The following SOCS6 variants were observed in gnomAD, a reference collection of about 807,000 sequenced individuals.
SOCS6 encodes suppressor of cytokine signaling 6, also known as STAT induced STAT inhibitor-4.
SOCS6 carries 5 observed loss-of-function variants against 27.7 expected under a neutral mutation model. The ratio of observed to expected loss-of-function variants is 0.18; its 90% CI spans 0.09 to 0.38. SOCS6 has a LOEUF of 0.38. Among genes scored for constraint, SOCS6 ranks in the 10% least tolerant of loss-of-function variants. The probability of loss-of-function intolerance (pLI) is 1.00; values close to 1 mark genes in which losing one functional copy is unlikely to be tolerated. For synonymous variants in SOCS6, 271 were observed against 260.0 expected (o/e 1.04, Z -0.41); for missense variants, 595 against 688.1 (o/e 0.86, Z 1.51).
intron 1 of SOCS6, among the ~76,000 whole-genome samples, chr18:70,293,422 T>C (rs1019649244): frequency 2.6e-5 from 4 of 152,136 alleles, no homozygotes; most frequent in Non-Finnish European, 5.9e-5. Flanking sequence ...TGACTGGCAG[T>C]GTAGACGCCC....
intron 1 of SOCS6, among the ~76,000 whole-genome samples, chr18:70,314,407 G>A (rs1427552302): frequency 1.3e-5 from 2 of 152,066 alleles, no homozygotes; most frequent in African/African-American, 4.8e-5. Context: ...AGTGTGTAAT[G>A]TGGTCCTATA....
chr18:70,310,676 A>C, intron 1 of SOCS6, among the ~76,000 whole-genome samples: 1 of 152,008 alleles, frequency 6.6e-6, no homozygotes, highest in East Asian at 1.9e-4. Context: ...CCATTTTCAC[A>C]TGAGGAGACT....
chr18:70,289,341 C>T (rs1280680747), intron 1 of SOCS6, among the ~76,000 whole-genome samples: 3 of 148,346 alleles, frequency 2.0e-5, no homozygotes, highest in Admixed American at 6.7e-5. Flanking sequence ...GGGCCAGTCC[C>T]GGGAGCGGGG....
rs150794369 is a variant in SOCS6, at chr18:70,297,273, C to T, written c.-127+8183C>T. On this transcript the variant is annotated intron_variant, in intron 1 of 1. Transcript: ENST00000397942. ...AACACTGTTGTCATCTGCCGTAATT[C>T]GCTTTGTGATTTTCTTCGTTCCTGT... 6.5e-3 allele frequency among the ~76,000 whole-genome samples: 989 copies of T among 152,066 alleles called. 3 individuals carry two copies. Among genetic ancestry groups the T allele is most frequent in the Non-Finnish European group, 0.01 (687 of 67,990 alleles).
At chr18:70,291,715 G>T (rs948053847) in intron 1 of SOCS6, among the ~76,000 whole-genome samples, 1 of 152,044 alleles carries the variant, frequency 6.6e-6, no homozygotes, top group Admixed American at 6.6e-5. Context: ...CTCAATTATT[G>T]TTATTCTCTT....
intron 1 of SOCS6, among the ~76,000 whole-genome samples, chr18:70,314,777 T>C (rs1213327660): frequency 2.0e-5 from 3 of 152,212 alleles, no homozygotes; most frequent in Non-Finnish European, 4.4e-5. Flanking sequence ...CATTGGCTAA[T>C]ATGTTGGGAA....
chr18:70,312,385 GAGTATATATCCAA>G (rs1555789952), intron 1 of SOCS6, among the ~76,000 whole-genome samples: 1 of 151,970 alleles, frequency 6.6e-6, no homozygotes, highest in Non-Finnish European at 1.5e-5. Flanking sequence ...TTTTTGGCAT[GAGTATATATCCAA>G]AGAACAAATC....
Position 70,324,588 on chromosome 18 carries a change from CA to C in SOCS6, c.-80del. 1 of 921,284 alleles carries C rather than the reference CA, an allele frequency of 1.1e-6. No individual in the cohort carries two copies. Among genetic ancestry groups the C allele is most frequent in the Non-Finnish European group, 1.6e-6 (1 of 606,440 alleles). 57.1% of individuals were successfully genotyped at this position (921,284 alleles called of 1,614,324 possible). On this transcript the variant is annotated 5_prime_UTR_variant, in exon 2 of 2. It removes the in-frame stop codon of an upstream open reading frame in the 5' UTR. Coordinates refer to ENST00000397942, the MANE Select transcript of SOCS6 (RefSeq NM_004232.4). The stretch of plus-strand genomic sequence containing the variant: ...ATGAAGCAGGAAAAATACATAGATG[CA>C]GCCTTGCAGCCTCTCCAGATGTTTG...
intron 1 of SOCS6, among the ~76,000 whole-genome samples, chr18:70,299,165 C>T (rs372396918): frequency 6.6e-6 from 1 of 152,044 alleles, no homozygotes. Flanking sequence ...TCAGTTAATT[C>T]AGACCCTACC....
chr18:70,315,922 G>C (rs1243197611), intron 1 of SOCS6, among the ~76,000 whole-genome samples: 1 of 152,076 alleles, frequency 6.6e-6, no homozygotes, highest in African/African-American at 2.4e-5. Context: ...CCAGGCTGGA[G>C]TGCAGTGGCG....
chr18:70,315,846 A>G (rs1207342314), intron 1 of SOCS6, among the ~76,000 whole-genome samples: 1 of 151,848 alleles, frequency 6.6e-6, no homozygotes, highest in Non-Finnish European at 1.5e-5. Flanking sequence ...AATCACATAT[A>G]TTTTGATATG....
intron 1 of SOCS6, among the ~76,000 whole-genome samples, chr18:70,290,719 G>GC: frequency 6.6e-6 from 1 of 152,234 alleles, no homozygotes; most frequent in Non-Finnish European, 1.5e-5. Flanking sequence ...TTCCGCTTGT[G>GC]CCTGGGTAAG....
chr18:70,290,913 C>A lies in SOCS6; in HGVS notation c.-127+1823C>A, dbSNP rs548287641. Among the ~76,000 whole-genome samples, 22 of 152,354 alleles carry A rather than the reference C, an allele frequency of 1.4e-4. No homozygotes were observed. In the East Asian group the frequency reaches 4.3e-3, roughly 29 times the overall value. On this transcript the variant is annotated intron_variant, in intron 1 of 1. Transcript: ENST00000397942. ...CGCACACCCTCGGGTCATCCCATGA[C>A]CCCCTCTCTTGGTGGGCCCCCCACC...
rs1600174270 is a variant in SOCS6, at chr18:70,328,691, A to G, written c.*2415A>G. The G allele has an allele frequency of 6.0e-6, 1 of 166,942 alleles. No individual in the cohort carries two copies. Among genetic ancestry groups the G allele is most frequent in the Admixed American group, 6.6e-5 (1 of 15,264 alleles). The allele number at this position is 166,942 out of a possible 1,614,324, so 10.3% of individuals were successfully genotyped here. The stretch of plus-strand genomic sequence containing the variant: ...ATGATAAAATCAAACTATTTGCCAA[A>G]AAGTTAAATTTACAAGCAGAAAGAT... On this transcript the variant is annotated 3_prime_UTR_variant, in exon 2 of 2. Coordinates refer to ENST00000397942, the MANE Select transcript of SOCS6 (RefSeq NM_004232.4).
intron 1 of SOCS6, among the ~76,000 whole-genome samples, chr18:70,319,912 A>T (rs912822585): frequency 1.3e-5 from 2 of 152,182 alleles, no homozygotes; most frequent in Admixed American, 6.5e-5. Context: ...GTTTTAACAG[A>T]TATTTTCCCA....
Position 70,325,621 on chromosome 18 carries a change from A to C in SOCS6, c.953A>C (p.Gln318Pro). Reference sequence around the variant, plus strand: ...CTCTCACCATTGCTACCTCCAATGCAGAATAATCAAATCCAAAGGAACTTC... The same window carrying C: ...CTCTCACCATTGCTACCTCCAATGCCGAATAATCAAATCCAAAGGAACTTC... ...PPLSPLLPPM[Q>P]NNQIQRNFSG... Residue 318 changes from glutamine to proline, a missense_variant, in exon 2 of 2, where the codon CAG (glutamine) becomes CCG (proline). Gln to Pro is a moderately conservative substitution (Grantham distance 76). Around this residue, in one of 2 missense-constraint regions of SOCS6, gnomAD observed 467 missense variants for 481.1 expected, o/e 0.97. Coordinates refer to ENST00000397942, the MANE Select transcript of SOCS6 (RefSeq NM_004232.4). The surrounding 1 kb of genome is among the most constrained non-coding windows in gnomAD (Gnocchi z 6.3). The C allele has an allele frequency of 6.2e-7, 1 of 1,614,200 alleles. No homozygotes were observed. The highest frequency in any genetic ancestry group is 8.5e-7 in the Non-Finnish European group (1 of 1,180,028).
chr18:70,318,811 C>G (rs1307667921), intron 1 of SOCS6, among the ~76,000 whole-genome samples: 1 of 151,866 alleles, frequency 6.6e-6, no homozygotes, highest in Non-Finnish European at 1.5e-5. Flanking sequence ...TGGTGGGCGC[C>G]TATAATCCCA....
chr18:70,294,266 A>G (rs1204531699), intron 1 of SOCS6, among the ~76,000 whole-genome samples: 2 of 152,052 alleles, frequency 1.3e-5, no homozygotes, highest in African/African-American at 4.8e-5. Context: ...TAAAGTAATT[A>G]TTACTATTAA....
intron 1 of SOCS6, among the ~76,000 whole-genome samples, chr18:70,301,728 G>A (rs1417301414): frequency 6.6e-6 from 1 of 152,176 alleles, no homozygotes; most frequent in Non-Finnish European, 1.5e-5. Flanking sequence ...GAGAAGAGGG[G>A]ACCAAAGTCT....
Sources: gnomAD v4.1 joint callset for allele counts (sites outside exome capture counted in the v4.1 genomes callset) on GRCh38, gnomAD v4.1.1 for gene constraint, gnomAD v4.1.1 regional missense constraint, Gnocchi (gnomAD v3.1) non-coding constraint, MANE v1.5 for transcripts, NCBI Gene and HGNC (gene_info 2026-07-23, HGNC 2026-07-21) for gene names.